The following NEK10 variants were observed in gnomAD, a reference collection of about 807,000 sequenced individuals.
The protein encoded by NEK10 is serine/threonine-protein kinase Nek10.
A neutral mutation model predicts 159.8 loss-of-function variants in NEK10; 122 were observed. That is an observed-to-expected ratio of 0.76 (90% CI 0.66 to 0.89). NEK10 has a LOEUF of 0.89. Ranked by LOEUF, NEK10 falls within the 40% of genes least tolerant of loss-of-function variation. The pLI is 0.00. For missense variants in NEK10, 1,342 were observed against 1,323.1 expected, an observed-to-expected ratio of 1.01 and a Z score of -0.22; for synonymous variants, 466 against 457.1, an observed-to-expected ratio of 1.02 and a Z score of -0.25.
intron 23 of NEK10, among the ~76,000 whole-genome samples, chr3:27,223,576 C>T (rs1485085476): frequency 1.3e-5 from 2 of 152,208 alleles, no homozygotes; most frequent in Non-Finnish European, 2.9e-5. Context: ...TTTCTCACAT[C>T]GTGTCTGACA....
intron 4 of NEK10, among the ~76,000 whole-genome samples, chr3:27,345,019 T>C (rs2047455206): frequency 6.6e-6 from 1 of 152,158 alleles, no homozygotes; most frequent in Admixed American, 6.5e-5. Context: ...TCTAAAACAT[T>C]CTATTTTAAA....
chr3:27,272,153 C>A (rs751853965), intron 22 of NEK10, among the ~76,000 whole-genome samples: 2 of 152,206 alleles, frequency 1.3e-5, no homozygotes, highest in African/African-American at 2.4e-5. Flanking sequence ...GGGAACCCAG[C>A]TGTTCACAAC....
rs1180250517 is a variant in NEK10 at position 27,107,401 on chromosome 3, C to T, written c.*3871G>A. 1.3e-5 allele frequency among the ~76,000 whole-genome samples: 2 copies of T among 152,082 alleles called. No homozygotes were observed. The highest frequency in any genetic ancestry group is 4.8e-5 in the African/African-American group (2 of 41,420). On this transcript the variant is annotated 3_prime_UTR_variant, in exon 36 of 36. Coordinates refer to ENST00000691995, the MANE Select transcript of NEK10 (RefSeq NM_001394966.1). ...ATTCCTTTATCACAAAGCTGTTTCC[C>T]TGAGAAATTTGTGTCTTCCTATCAA...
chr3:27,208,530 T>C (rs1216480638), intron 23 of NEK10, among the ~76,000 whole-genome samples: 2 of 152,142 alleles, frequency 1.3e-5, no homozygotes, highest in Non-Finnish European at 1.5e-5. Context: ...AGCCCACTAA[T>C]GTGGTGATCA....
At chr3:27,134,349 A>G (rs1168496805) in intron 31 of NEK10, among the ~76,000 whole-genome samples, 2 of 152,160 alleles carry the variant, frequency 1.3e-5, no homozygotes, top group African/African-American at 2.4e-5. Flanking sequence ...AAAAGTTGCC[A>G]CTTCCCCAAA....
intron 15 of NEK10, 22 bp downstream of exon 15, chr3:27,295,591 G>T: frequency 6.5e-7 from 1 of 1,544,278 alleles, no homozygotes; most frequent in East Asian, 2.4e-5. Context: ...TGATACTGAA[G>T]GACAAGAGAC....
intron 13 of NEK10, among the ~76,000 whole-genome samples, chr3:27,298,891 A>C (rs2149524824): frequency 6.6e-6 from 1 of 152,332 alleles, no homozygotes; most frequent in Non-Finnish European, 1.5e-5. Flanking sequence ...GAAATTTCTA[A>C]GCAGCAAAGC....
chr3:27,258,432 C>A (rs923731615), intron 22 of NEK10, among the ~76,000 whole-genome samples: 1 of 146,756 alleles, frequency 6.8e-6, no homozygotes, highest in African/African-American at 2.5e-5. Flanking sequence ...CATGTGTTCT[C>A]ATTGTTCAAT....
intron 1 of NEK10, among the ~76,000 whole-genome samples, chr3:27,361,653 A>G (rs1385091252): frequency 6.6e-6 from 1 of 152,204 alleles, no homozygotes; most frequent in African/African-American, 2.4e-5. Context: ...TTCCAATAAA[A>G]TAGTTAACCA....
At chr3:27,323,394 T>C (rs644078) in intron 5 of NEK10, among the ~76,000 whole-genome samples, 1,766 of 152,236 alleles carry the variant, frequency 0.012, 11 homozygotes, top group South Asian at 0.021. Flanking sequence ...TCAAGGAACC[T>C]GAGGGTGGTT....
chr3:27,346,323 A>G (rs769743535), intron 3 of NEK10, 107 bp from the exon 4 acceptor site: 66 of 1,147,852 alleles, frequency 5.7e-5, no homozygotes, highest in Non-Finnish European at 8.1e-5. Context: ...TTCCAGGCCA[A>G]TAATTAAGAT....
chr3:27,291,688 G>A (rs918831020), intron 16 of NEK10, 102 bp from the exon 17 acceptor site: 6 of 705,250 alleles, frequency 8.5e-6, no homozygotes, highest in Admixed American at 2.2e-5. Flanking sequence ...TGTCACCCAG[G>A]CTGGAGTGCA....
At chr3:27,275,320 A>AATTACCTTTGAC (rs1377094712) in intron 22 of NEK10, among the ~76,000 whole-genome samples, 1 of 152,220 alleles carries the variant, frequency 6.6e-6, no homozygotes, top group Non-Finnish European at 1.5e-5. Flanking sequence ...GATTTGACTG[A>AATTACCTTTGAC]ATTTCCTTTG....
chr3:27,193,965 C>T (rs953758772), intron 25 of NEK10: 1 of 152,046 alleles, frequency 6.6e-6, no homozygotes, highest in African/African-American at 2.4e-5. Flanking sequence ...ATGAATAAAT[C>T]CACAAACAAA....
At chr3:27,166,423 T>A (rs139216330) in intron 29 of NEK10, among the ~76,000 whole-genome samples, 66 of 152,160 alleles carry the variant, frequency 4.3e-4, no homozygotes, top group African/African-American at 1.5e-3. Flanking sequence ...GCTGTTGGAG[T>A]GAGACATTAG....
At chr3:27,241,095 A>G (rs1489120249) in intron 23 of NEK10, among the ~76,000 whole-genome samples, 1 of 152,170 alleles carries the variant, frequency 6.6e-6, no homozygotes, top group Non-Finnish European at 1.5e-5. Context: ...AAAAATTCTC[A>G]ACTCAATGTA....
Position 27,313,098 on chromosome 3 carries a change from T to C in NEK10, c.490-921A>G, listed in dbSNP as rs186617588. ...GGTGTAACCCTGTCTCTACTAAAAA[T>C]ACAAAAAAAAAAAAAAATGATCCGG... is the stretch of plus-strand genomic sequence containing the variant. On this transcript the variant is annotated intron_variant, in intron 7 of 35. Coordinates refer to ENST00000691995, the MANE Select transcript of NEK10 (RefSeq NM_001394966.1). Among the ~76,000 whole-genome samples the C allele has an allele frequency of 2.1e-4, 27 of 126,778 alleles. No homozygotes were observed. The East Asian group carries it at 5.7e-3, about 27-fold the overall frequency. The allele number at this position is 126,778 out of a possible 152,430, so 83.2% of individuals were successfully genotyped here.
intron 5 of NEK10, among the ~76,000 whole-genome samples, chr3:27,327,358 G>C (rs138616184): frequency 6.6e-6 from 1 of 152,148 alleles, no homozygotes; most frequent in African/African-American, 2.4e-5. Flanking sequence ...ATTCATGAGC[G>C]GGCAAATATT....
chr3:27,112,872 C>A (rs927703228), intron 35 of NEK10, among the ~76,000 whole-genome samples: 2 of 152,138 alleles, frequency 1.3e-5, no homozygotes, highest in Non-Finnish European at 2.9e-5. Context: ...ATTCTAAATA[C>A]CTCTACATAT....
Sources: allele counts gnomAD v4.1 joint callset (sites outside exome capture counted in the v4.1 genomes callset), GRCh38; gene constraint gnomAD v4.1.1; transcripts MANE v1.5; gene names NCBI Gene and HGNC (gene_info 2026-07-23, HGNC 2026-07-21).